KAZN: variants seen among roughly 807,000 people sequenced by gnomAD.
The protein encoded by KAZN is kazrin.
KAZN carries 40 observed loss-of-function variants against 87.4 expected under a neutral mutation model. That is an observed-to-expected ratio of 0.46 (90% CI 0.36 to 0.60). The LOEUF (loss-of-function observed/expected upper bound fraction) is 0.60. KAZN is among the 20% of genes least tolerant of loss of function. The pLI is 0.00. For missense variants in KAZN, 898 were observed against 1,073.9 expected (o/e 0.84, Z 2.29); for synonymous variants, 466 against 458.3 (o/e 1.02, Z -0.22).
chr1:14,791,871 G>A (rs867331693), intron 1 of KAZN, among the ~76,000 whole-genome samples: 3 of 152,212 alleles, frequency 2.0e-5, no homozygotes, highest in Non-Finnish European at 4.4e-5. Context: ...CAGCGGCTGC[G>A]GGATGACTGT....
intron 2 of KAZN, among the ~76,000 whole-genome samples, chr1:14,345,798 T>C (rs972229225): frequency 1.3e-5 from 2 of 152,140 alleles, no homozygotes; most frequent in African/African-American, 2.4e-5. Flanking sequence ...GGACCATCCT[T>C]TGAACACCAC....
intron 2 of KAZN, among the ~76,000 whole-genome samples, chr1:15,009,273 G>A (rs1375697555): frequency 6.6e-6 from 1 of 152,216 alleles, no homozygotes; most frequent in Non-Finnish European, 1.5e-5. Context: ...GTTCACAGAA[G>A]CAGCAGTCAC....
intron 2 of KAZN, among the ~76,000 whole-genome samples, chr1:14,537,764 T>C (rs1672586264): frequency 1.3e-5 from 2 of 152,200 alleles, no homozygotes; most frequent in African/African-American, 4.8e-5. Context: ...AGTTCTTGTA[T>C]TCACATTTTC....
At chr1:14,180,461 G>A (rs1359487331) in exon 2 of KAZN, 1 of 1,549,964 alleles carries the variant, frequency 6.5e-7, no homozygotes, top group African/African-American at 1.4e-5. Flanking sequence ...CACCCTCAAT[G>A]ACCAGATTTC....
At chr1:14,929,385 T>C (rs971605691) in intron 1 of KAZN, among the ~76,000 whole-genome samples, 1 of 152,234 alleles carries the variant, frequency 6.6e-6, no homozygotes, top group Non-Finnish European at 1.5e-5. Context: ...GCACCATTTA[T>C]GTTCTTTGTA....
At chr1:14,786,589 A>AT (rs1251280547) in intron 1 of KAZN, among the ~76,000 whole-genome samples, 1 of 152,178 alleles carries the variant, frequency 6.6e-6, no homozygotes, top group African/African-American at 2.4e-5. Context: ...TTCATCTGCC[A>AT]TTTACCTAGA....
At chr1:14,147,978 A>C (rs1455113062) in intron 1 of KAZN, among the ~76,000 whole-genome samples, 1 of 151,968 alleles carries the variant, frequency 6.6e-6, no homozygotes, top group African/African-American at 2.4e-5. Context: ...CCAGCACTTT[A>C]GGAGGCCGAG....
intron 2 of KAZN, among the ~76,000 whole-genome samples, chr1:14,390,503 G>A (rs1478165554): frequency 1.3e-5 from 2 of 152,176 alleles, no homozygotes; most frequent in South Asian, 2.1e-4. Context: ...AAATGTTTTG[G>A]GGGATGAGCA....
chr1:14,259,007 G>C, intron 2 of KAZN, among the ~76,000 whole-genome samples: 1 of 152,246 alleles, frequency 6.6e-6, no homozygotes, highest in South Asian at 2.1e-4. Flanking sequence ...GGGGCTGGGC[G>C]TCAGGTAGAG....
intron 2 of KAZN, among the ~76,000 whole-genome samples, chr1:15,022,511 C>A (rs1670780827): frequency 6.6e-6 from 1 of 152,224 alleles, no homozygotes; most frequent in Admixed American, 6.5e-5. Flanking sequence ...AGGCCTCTGT[C>A]TGTAGAGCCT....
chr1:14,176,955 C>T (rs990203026), intron 1 of KAZN, among the ~76,000 whole-genome samples: 5 of 152,014 alleles, frequency 3.3e-5, no homozygotes, highest in African/African-American at 1.2e-4. Context: ...GTCAGGAGTT[C>T]GAGACCAGCC....
chr1:14,065,557 A>G (rs1302117838), intron 1 of KAZN, among the ~76,000 whole-genome samples: 5 of 151,666 alleles, frequency 3.3e-5, no homozygotes, highest in Non-Finnish European at 5.9e-5. Context: ...GCCAAATCAG[A>G]AATGCATTTA....
At chr1:14,119,334 T>A (rs1257200193) in intron 1 of KAZN, among the ~76,000 whole-genome samples, 1 of 152,136 alleles carries the variant, frequency 6.6e-6, no homozygotes, top group South Asian at 2.1e-4. Flanking sequence ...TCTGGGCAGA[T>A]AAGAGACTTA....
chr1:14,199,439 T>G (rs653504), intron 2 of KAZN, among the ~76,000 whole-genome samples: 123,272 of 152,146 alleles, frequency 0.81, 51,765 homozygotes, highest in East Asian at 0.95. Flanking sequence ...CCTTCCTGAC[T>G]ACACTATTGC....
chr1:14,622,589 G>T (rs1010646108), intron 1 of KAZN, among the ~76,000 whole-genome samples: 10 of 151,090 alleles, frequency 6.6e-5, no homozygotes, highest in Admixed American at 4.0e-4. Context: ...TACTCAGGAG[G>T]CTGAGGCAGG....
chr1:14,472,083 C>T (rs1668486254), intron 2 of KAZN, among the ~76,000 whole-genome samples: 3 of 152,038 alleles, frequency 2.0e-5, no homozygotes, highest in Admixed American at 2.0e-4. Flanking sequence ...TTTCTTGCTG[C>T]TTACTCACAT....
At chr1:14,635,057 C>T (rs1048241365) in intron 1 of KAZN, among the ~76,000 whole-genome samples, 1 of 152,160 alleles carries the variant, frequency 6.6e-6, no homozygotes, top group Non-Finnish European at 1.5e-5. Context: ...GTACCCACCC[C>T]ACAGGTGTTG....
At chr1:14,548,194 G>C (rs1418964579) in intron 2 of KAZN, among the ~76,000 whole-genome samples, 1 of 148,856 alleles carries the variant, frequency 6.7e-6, no homozygotes, top group Non-Finnish European at 1.5e-5. Flanking sequence ...TTTCCTCTTC[G>C]TGCATTTTTT....
Position 14,561,819 on chromosome 1 carries a change from G to A in KAZN, c.250-37164G>A, listed in dbSNP as rs570334134. Among the ~76,000 whole-genome samples the A allele has an allele frequency of 4.9e-4, 74 of 151,924 alleles. 1 individual carries two copies. The East Asian group carries it at 6.0e-3, about 12-fold the overall frequency. On this transcript the variant is annotated intron_variant, in intron 2 of 16. Transcript: ENST00000636203. The stretch of plus-strand genomic sequence containing the variant: ...CTTGGGAGGCTGAGGCAGGAGAATC[G>A]CTTGAACCCAGGAAGCGGAGGTTGC...
Sources: gnomAD v4.1 joint callset for allele counts (sites outside exome capture counted in the v4.1 genomes callset) on GRCh38, gnomAD v4.1.1 for gene constraint, MANE v1.5 for transcripts, NCBI Gene and HGNC (gene_info 2026-07-23, HGNC 2026-07-21) for gene names.